The following PDE4DIP variants were observed in gnomAD, a reference collection of about 807,000 sequenced individuals.
PDE4DIP encodes phosphodiesterase 4D interacting protein.
PDE4DIP carries 59 observed loss-of-function variants against 221.4 expected under a neutral mutation model. That is an observed-to-expected ratio of 0.27 (90% CI 0.22 to 0.33). PDE4DIP has a LOEUF of 0.33. Ranked by LOEUF, PDE4DIP falls within the 10% of genes least tolerant of loss-of-function variation. The pLI is 1.00. For synonymous variants in PDE4DIP, 404 were observed against 815.9 expected (o/e 0.50, Z 8.60); for missense variants, 1,036 against 2,154.2 (o/e 0.48, Z 10.28).
At chr1:148,981,797 T>C (rs1405364595) in intron 21 of PDE4DIP, 1 of 223,098 alleles carries the variant, frequency 4.5e-6, no homozygotes, top group Non-Finnish European at 9.3e-6. Context: ...CCATTTCATA[T>C]GTTCCATATC....
intron 5 of PDE4DIP, among the ~76,000 whole-genome samples, chr1:148,948,698 T>C (rs1381942562): frequency 1.4e-4 from 20 of 144,224 alleles, no homozygotes; most frequent in Non-Finnish European, 2.9e-4. Flanking sequence ...ATACTATGTA[T>C]ACAATCTACA....
intron 20 of PDE4DIP, 88 bp downstream of exon 23, chr1:148,979,937 G>A: frequency 6.8e-7 from 1 of 1,481,102 alleles, no homozygotes; most frequent in Non-Finnish European, 9.2e-7. Context: ...TCTTCATTAA[G>A]TGCAGATGCT....
chr1:148,992,678 C>T lies in PDE4DIP; in HGVS notation c.2904+705C>T, dbSNP rs1250525178. The T allele has an allele frequency of 4.5e-5, 49 of 1,098,374 alleles. No homozygotes were observed. In the East Asian group the frequency reaches 1.4e-3, roughly 30 times the overall value. 68.0% of individuals were successfully genotyped at this position (1,098,374 alleles called of 1,614,324 possible). A position where few individuals can be genotyped will look rare whatever the true frequency, so the allele number is the denominator to read the frequency against. On this transcript the variant is annotated intron_variant, in intron 22 of 43. Coordinates refer to ENST00000369354, the Ensembl canonical transcript of PDE4DIP. ...CAATAGTGATCTCACAAGCACTCACCGGAACTCCTATAATGTCTCCACTTT... is the reference window on the plus strand; with the variant it reads ...CAATAGTGATCTCACAAGCACTCACTGGAACTCCTATAATGTCTCCACTTT...
chr1:149,021,223 T>C (rs1575516899), intron 37 of PDE4DIP, 70 bp downstream of exon 40: 1 of 695,000 alleles, frequency 1.4e-6, no homozygotes, highest in East Asian at 2.6e-5. Flanking sequence ...GGTCTTTCCT[T>C]TGGGAGTTGT....
exon 30 of PDE4DIP, chr1:149,009,749 T>C (rs2068025753): frequency 6.2e-7 from 1 of 1,612,974 alleles, no homozygotes; most frequent in African/African-American, 1.3e-5. Context: ...AGTCAGCGAG[T>C]ACACACACTA....
chr1:148,990,033 G>T (rs782451997), intron 21 of PDE4DIP: 15 of 160,702 alleles, frequency 9.3e-5, no homozygotes, highest in Non-Finnish European at 1.8e-4. Context: ...GGTGGTAGAG[G>T]CTTCACTGAA....
chr1:148,963,717 TTTTC>T (rs201592609), intron 9 of PDE4DIP, among the ~76,000 whole-genome samples: 4 of 51,438 alleles, frequency 7.8e-5, no homozygotes, highest in African/African-American at 3.7e-4. Flanking sequence ...TTTTCTTTTC[TTTTC>T]TTTCTTTCCT....
chr1:148,952,413 C>T (rs1271560496), intron 5 of PDE4DIP: 58 of 1,084,802 alleles, frequency 5.3e-5, no homozygotes, highest in Admixed American at 1.1e-4. Flanking sequence ...CGCGGCCGGC[C>T]GCTGCTGCTC....
At chr1:148,996,268 T>G (rs1282788578) in intron 22 of PDE4DIP, among the ~76,000 whole-genome samples, 2 of 152,220 alleles carry the variant, frequency 1.3e-5, no homozygotes, top group Non-Finnish European at 1.5e-5. Flanking sequence ...GTGCCCACAC[T>G]CAAGACTAAT....
rs782187106 is a variant in PDE4DIP at position 148,972,966 on chromosome 1, T to TTA, written c.2227+387_2227+388dup. Among the ~76,000 whole-genome samples the TTA allele has an allele frequency of 3.0e-4, 37 of 124,046 alleles. No homozygotes were observed. In the South Asian group the frequency reaches 3.7e-3, roughly 12 times the overall value. The allele number at this position is 124,046 out of a possible 152,430, so 81.4% of individuals were successfully genotyped here. On this transcript the variant is annotated intron_variant, in intron 16 of 43. Coordinates refer to ENST00000369354, the Ensembl canonical transcript of PDE4DIP. ...TGTAACTTGACATCACCTACTAATG[T>TTA]TATATATATATATAATGTTAGCATA...
chr1:148,885,478 AAG>A (rs1695668385), upstream of PDE4DIP, among the ~76,000 whole-genome samples: 1 of 141,062 alleles, frequency 7.1e-6, no homozygotes, highest in Admixed American at 7.3e-5. Flanking sequence ...GAGTGGTAGG[AAG>A]AAGTAGAGGA....
intron 1 of PDE4DIP, among the ~76,000 whole-genome samples, chr1:148,859,237 C>T (rs1682899088): frequency 7.3e-6 from 1 of 137,718 alleles, no homozygotes; most frequent in African/African-American, 2.6e-5. Flanking sequence ...TGATCATTCT[C>T]AACTTAATCA....
In PDE4DIP at chr1:148,929,479, G is replaced by A. The variant is rs1244858408; in HGVS notation, c.218+206G>A. 1.6e-5 allele frequency: 10 copies of A among 639,408 alleles called. No individual in the cohort carries two copies. In the African/African-American group the frequency reaches 1.9e-4, roughly 12 times the overall value. 39.6% of individuals were successfully genotyped at this position (639,408 alleles called of 1,614,324 possible). ...GTCAGATGGACCTTGTCATAAGTTGGTAAATCCACCAGACCTAAGACTGCA... is the reference window on the plus strand; with the variant it reads ...GTCAGATGGACCTTGTCATAAGTTGATAAATCCACCAGACCTAAGACTGCA... On this transcript the variant is annotated intron_variant, in intron 2 of 43. Transcript: ENST00000369354.
At chr1:148,983,231 A>G (rs1234553760) in intron 21 of PDE4DIP, 2 of 152,140 alleles carry the variant, frequency 1.3e-5, no homozygotes, top group East Asian at 1.9e-4. Flanking sequence ...TTGTCGTGTC[A>G]TTACAACAAG....
intron 1 of PDE4DIP, among the ~76,000 whole-genome samples, chr1:148,912,025 C>G (rs1553454807): frequency 6.8e-6 from 1 of 146,524 alleles, no homozygotes; most frequent in Non-Finnish European, 1.5e-5. Flanking sequence ...AGGAGTTACA[C>G]AAGGGCACAA....
chr1:149,032,087 T>A, exon 44 of PDE4DIP: 1 of 1,603,952 alleles, frequency 6.2e-7, no homozygotes, highest in Non-Finnish European at 8.5e-7. Flanking sequence ...ACCTATCTGC[T>A]GAGGAGCATC....
intron 1 of PDE4DIP, among the ~76,000 whole-genome samples, chr1:148,832,861 C>A (rs1316020290): frequency 8.0e-6 from 1 of 125,234 alleles, no homozygotes; most frequent in African/African-American, 2.7e-5. Context: ...ATTTTTGCAT[C>A]GATGTTCATC....
chr1:148,938,045 T>G (rs1197194546), intron 5 of PDE4DIP, 181 bp downstream of exon 8: 1 of 494,970 alleles, frequency 2.0e-6, no homozygotes, highest in Non-Finnish European at 3.7e-6. Context: ...AGATATGGCT[T>G]AGCTGAGATC....
chr1:148,964,409 A>C (rs2057754651), intron 9 of PDE4DIP, among the ~76,000 whole-genome samples: 1 of 151,928 alleles, frequency 6.6e-6, no homozygotes, highest in Non-Finnish European at 1.5e-5. Context: ...CGCTGGGCCA[A>C]AATACACAAC....
Sources: allele counts gnomAD v4.1 joint callset (sites outside exome capture counted in the v4.1 genomes callset), GRCh38; gene constraint gnomAD v4.1.1; transcripts MANE v1.5; gene names NCBI Gene and HGNC (gene_info 2026-07-23, HGNC 2026-07-21).